Variants in COL24A1 observed in about 807,000 individuals in gnomAD.
The protein encoded by COL24A1 is collagen alpha-1(XXIV) chain.
Under a neutral mutation model 253.9 loss-of-function variants are expected in COL24A1, and 224 were observed. The ratio of observed to expected loss-of-function variants is 0.88; its 90% CI spans 0.79 to 0.99. The LOEUF (loss-of-function observed/expected upper bound fraction) is 0.99. Among genes scored for constraint, COL24A1 ranks in the 50% least tolerant of loss-of-function variants. COL24A1 has a pLI of 0.00. For missense variants in COL24A1, 2,131 were observed against 2,068.5 expected (o/e 1.03, Z -0.59); for synonymous variants, 685 against 673.7 (o/e 1.02, Z -0.26).
chr1:86,123,281 A>C (rs1647669560), intron 3 of COL24A1, among the ~76,000 whole-genome samples: 1 of 151,932 alleles, frequency 6.6e-6, no homozygotes, highest in South Asian at 2.1e-4. Flanking sequence ...TGTCCACAAG[A>C]TCTTATTCTG....
At position 85,841,235 on chromosome 1, in the gene COL24A1, G is replaced by A. The variant is rs780851118; in HGVS notation, c.3614C>T (p.Pro1205Leu). Residue 1205 changes from proline to leucine, a missense_variant, in exon 42 of 60, where the codon CCT (proline) becomes CTT (leucine). Coordinates refer to ENST00000370571, the MANE Select transcript of COL24A1 (RefSeq NM_152890.7). ...AAAAAGACCTACTGGTTCACCTCGA[G>A]GCCCAGGTGGTCCTAGGACTGTGCT... ...EDSTVLGPPGPRGEPGPVGDQ... is the reference protein window; with the variant it reads ...EDSTVLGPPGLRGEPGPVGDQ... 2 of 1,603,432 alleles carry A rather than the reference G, an allele frequency of 1.2e-6. No homozygotes were observed. Among genetic ancestry groups the A allele is most frequent in the Non-Finnish European group, 1.7e-6 (2 of 1,175,766 alleles).
intron 7 of COL24A1, among the ~76,000 whole-genome samples, chr1:86,085,801 C>T (rs1179750750): frequency 6.6e-6 from 1 of 152,022 alleles, no homozygotes; most frequent in Non-Finnish European, 1.5e-5. Flanking sequence ...ACCAGTCAAT[C>T]TAGGGAAAAC....
rs1192828408 is a variant in COL24A1, at chr1:85,945,019, T to G, written c.2562+16230A>C. Among the ~76,000 whole-genome samples, 542 of 73,258 alleles carry G rather than the reference T, an allele frequency of 7.4e-3. 6 individuals carry two copies. Among genetic ancestry groups the G allele is most frequent in the East Asian group, 0.019 (31 of 1,662 alleles). 48.1% of individuals were successfully genotyped at this position (73,258 alleles called of 152,430 possible). ...ATCATTGTGTTTTTTTTTTTTTTTT[T>G]TTTTTTTTTTTTTTTTGAGACAGAG... On this transcript the variant is annotated intron_variant, in intron 24 of 59. Transcript: ENST00000370571.
chr1:85,806,383 T>C (rs1671968931), intron 47 of COL24A1, among the ~76,000 whole-genome samples: 1 of 152,168 alleles, frequency 6.6e-6, no homozygotes, highest in Non-Finnish European at 1.5e-5. Context: ...ATGATACAAA[T>C]AGACCAGAGG....
intron 55 of COL24A1, among the ~76,000 whole-genome samples, chr1:85,757,747 G>A (rs1374905273): frequency 6.6e-6 from 1 of 152,064 alleles, no homozygotes; most frequent in African/African-American, 2.4e-5. Context: ...TTCCCCACAG[G>A]CAGACTTTAA....
chr1:85,927,190 G>T (rs903686492), intron 24 of COL24A1, among the ~76,000 whole-genome samples: 1 of 152,140 alleles, frequency 6.6e-6, no homozygotes. Context: ...TCACTAGGGA[G>T]TGCCAGACAG....
intron 33 of COL24A1, among the ~76,000 whole-genome samples, chr1:85,876,605 A>G (rs1039588130): frequency 2.6e-5 from 4 of 152,208 alleles, no homozygotes; most frequent in African/African-American, 9.6e-5. Context: ...AGGAAGTAAA[A>G]GGGCAACTTC....
chr1:85,831,385 C>A (rs778272506), intron 43 of COL24A1, among the ~76,000 whole-genome samples: 4 of 152,060 alleles, frequency 2.6e-5, no homozygotes, highest in Non-Finnish European at 5.9e-5. Flanking sequence ...TGTAGTTCTA[C>A]AGAAATATTT....
intron 24 of COL24A1, among the ~76,000 whole-genome samples, chr1:85,936,108 G>A (rs1201467317): frequency 6.8e-6 from 1 of 146,520 alleles, no homozygotes; most frequent in Non-Finnish European, 1.5e-5. Context: ...TCCAGAGAAG[G>A]TCCAACTCCT....
chr1:86,092,354 C>G (rs773568095), intron 5 of COL24A1, 34 bp from the exon 6 acceptor site: 1 of 1,462,676 alleles, frequency 6.8e-7, no homozygotes, highest in African/African-American at 1.4e-5. Flanking sequence ...GTTGGTGAAG[C>G]ATAAGTTGCA....
intron 5 of COL24A1, among the ~76,000 whole-genome samples, chr1:86,103,805 G>C (rs1440156333): frequency 1.3e-5 from 2 of 152,118 alleles, no homozygotes; most frequent in Non-Finnish European, 2.9e-5. Context: ...CTCTCTAGTT[G>C]CCTTTAACAT....
intron 2 of COL24A1, among the ~76,000 whole-genome samples, chr1:86,132,065 T>G (rs1649317311): frequency 6.6e-6 from 1 of 152,198 alleles, no homozygotes; most frequent in Non-Finnish European, 1.5e-5. Flanking sequence ...TTCTAACTGG[T>G]GTGAGATGGT....
chr1:86,126,268 G>T, intron 2 of COL24A1, 54 bp from the exon 3 acceptor site: 1 of 1,460,568 alleles, frequency 6.8e-7, no homozygotes, highest in Non-Finnish European at 9.2e-7. Flanking sequence ...GGATTCAAGT[G>T]TTCATATAAA....
chr1:85,844,199 A>C (rs1419256140), intron 39 of COL24A1, among the ~76,000 whole-genome samples: 2 of 152,070 alleles, frequency 1.3e-5, no homozygotes, highest in African/African-American at 4.8e-5. Flanking sequence ...AATTTTAGTA[A>C]ATTTCCTCAA....
intron 32 of COL24A1, 128 bp downstream of exon 32, chr1:85,889,432 A>T: frequency 1.4e-6 from 1 of 692,880 alleles, no homozygotes; most frequent in Non-Finnish European, 2.4e-6. Flanking sequence ...CTATGTGATT[A>T]GTCTATGGTG....
intron 12 of COL24A1, among the ~76,000 whole-genome samples, chr1:86,045,490 A>G (rs1699829928): frequency 6.6e-6 from 1 of 152,178 alleles, no homozygotes. Flanking sequence ...AGAATTTTAG[A>G]TTAGAAATTG....
chr1:85,991,075 A>T (rs1202839136), intron 19 of COL24A1, among the ~76,000 whole-genome samples: 2 of 152,214 alleles, frequency 1.3e-5, no homozygotes, highest in Non-Finnish European at 2.9e-5. Context: ...ACAAAAAGAG[A>T]TCACCAGACA....
At chr1:86,146,975 G>A (rs560411969) in intron 1 of COL24A1, among the ~76,000 whole-genome samples, 2 of 152,222 alleles carry the variant, frequency 1.3e-5, no homozygotes, top group South Asian at 2.1e-4. Flanking sequence ...TAATTTTGAA[G>A]AGAGATGATA....
At chr1:85,988,147 A>G (rs1693899041) in intron 19 of COL24A1, among the ~76,000 whole-genome samples, 1 of 151,658 alleles carries the variant, frequency 6.6e-6, no homozygotes, top group Non-Finnish European at 1.5e-5. Context: ...ATACAGGATT[A>G]ATCAGTTTTG....
Sources: gnomAD v4.1 joint callset for allele counts (sites outside exome capture counted in the v4.1 genomes callset) on GRCh38, gnomAD v4.1.1 for gene constraint, MANE v1.5 for transcripts, NCBI Gene and HGNC (gene_info 2026-07-23, HGNC 2026-07-21) for gene names.